The following ZNHIT6 variants were observed in gnomAD, a reference collection of about 807,000 sequenced individuals.
ZNHIT6 encodes box C/D snoRNA protein 1.
A neutral mutation model predicts 57.2 loss-of-function variants in ZNHIT6; 45 were observed. That is an observed-to-expected ratio of 0.79 (90% CI 0.62 to 1.01). The LOEUF is 1.01. ZNHIT6 is among the 50% of genes least tolerant of loss of function. ZNHIT6 has a pLI of 0.00. For missense variants in ZNHIT6, 528 were observed against 567.3 expected, an observed-to-expected ratio of 0.93 and a Z score of 0.70; for synonymous variants, 188 against 190.0, an observed-to-expected ratio of 0.99 and a Z score of 0.09.
intron 9 of ZNHIT6, 21 bp downstream of exon 9, chr1:85,657,826 C>T: frequency 6.2e-7 from 1 of 1,603,666 alleles, no homozygotes; most frequent in East Asian, 2.2e-5. Context: ...CTAAGCATTA[C>T]AGAAACAAAT....
intron 5 of ZNHIT6, among the ~76,000 whole-genome samples, chr1:85,699,831 G>A (rs560907494): frequency 2.0e-5 from 3 of 151,978 alleles, no homozygotes; most frequent in South Asian, 2.1e-4. Context: ...CATGAATATC[G>A]GAATAATTAA....
chr1:85,673,747 CT>C (rs1661628104), intron 8 of ZNHIT6, among the ~76,000 whole-genome samples: 2 of 68,062 alleles, frequency 2.9e-5, no homozygotes, highest in Non-Finnish European at 7.1e-5. Context: ...ATGTACTTTC[CT>C]TTAAGGATGT....
chr1:85,677,165 C>A, intron 8 of ZNHIT6, 71 bp downstream of exon 8: 1 of 1,106,034 alleles, frequency 9.0e-7, no homozygotes, highest in South Asian at 1.7e-5. Context: ...ATAACTTGAG[C>A]TAATCAAGCT....
At chr1:85,684,318 T>C (rs982291253) in intron 5 of ZNHIT6, among the ~76,000 whole-genome samples, 2 of 152,152 alleles carry the variant, frequency 1.3e-5, no homozygotes, top group East Asian at 1.9e-4. Flanking sequence ...CCCAAGTAAC[T>C]ATTCATGCAT....
intron 5 of ZNHIT6, among the ~76,000 whole-genome samples, chr1:85,684,476 CT>C (rs1661968801): frequency 2.0e-5 from 3 of 152,124 alleles, no homozygotes; most frequent in African/African-American, 7.2e-5. Flanking sequence ...CTACAAAGGG[CT>C]ACTGTATGCA....
chr1:85,658,311 C>G (rs1158752263), intron 8 of ZNHIT6, among the ~76,000 whole-genome samples: 1 of 152,164 alleles, frequency 6.6e-6, no homozygotes, highest in Admixed American at 6.5e-5. Flanking sequence ...TCACTGCAAC[C>G]TCCATCTCCC....
intron 5 of ZNHIT6, among the ~76,000 whole-genome samples, chr1:85,696,375 C>T (rs548937167): frequency 8.8e-4 from 133 of 151,984 alleles, no homozygotes; most frequent in African/African-American, 3.1e-3. Flanking sequence ...TTTTTTTTCA[C>T]TGAACATGTC....
chr1:85,673,051 C>T (rs549906442), intron 8 of ZNHIT6, among the ~76,000 whole-genome samples: 1 of 152,240 alleles, frequency 6.6e-6, no homozygotes, highest in Non-Finnish European at 1.5e-5. Context: ...GCAACATAGG[C>T]TTTTCTAGTC....
chr1:85,687,503 C>G (rs1662097372), intron 5 of ZNHIT6, among the ~76,000 whole-genome samples: 1 of 151,892 alleles, frequency 6.6e-6, no homozygotes, highest in South Asian at 2.1e-4. Context: ...AGTATGGATT[C>G]TATCTTGTAA....
rs1660932473 is a variant in ZNHIT6, at chr1:85,652,282, TAAC to T, written c.*1773_*1775del. ...GTATACGTTATCCCACTTCTCCTAA[TAAC>T]AACACGTTTCACTCAATTCATCTAT... On this transcript the variant is annotated 3_prime_UTR_variant, in exon 10 of 10. Transcript: ENST00000370574. 2 of 152,200 alleles carry T rather than the reference TAAC, an allele frequency of 1.3e-5. No individual in the cohort carries two copies. The highest frequency in any genetic ancestry group is 4.1e-4 in the South Asian group (2 of 4,832). The allele number at this position is 152,200 out of a possible 1,614,324, so 9.4% of individuals were successfully genotyped here. A position where few individuals can be genotyped will look rare whatever the true frequency, so the allele number is the denominator to read the frequency against.
At chr1:85,691,045 G>GTC (rs1354844958) in intron 5 of ZNHIT6, among the ~76,000 whole-genome samples, 4 of 152,018 alleles carry the variant, frequency 2.6e-5, no homozygotes, top group African/African-American at 9.7e-5. Context: ...AGTTCTGCTG[G>GTC]TCAAGCCCGG....
At chr1:85,701,795 T>C (rs1338357177) in intron 5 of ZNHIT6, among the ~76,000 whole-genome samples, 1 of 152,198 alleles carries the variant, frequency 6.6e-6, no homozygotes, top group Non-Finnish European at 1.5e-5. Flanking sequence ...TCTCAAACAA[T>C]GAGCATCATT....
intron 6 of ZNHIT6, 93 bp from the exon 7 acceptor site, chr1:85,678,874 T>G (rs960053212): frequency 4.5e-6 from 3 of 669,772 alleles, no homozygotes; most frequent in Non-Finnish European, 7.1e-6. Flanking sequence ...TGTGGCTTTT[T>G]TGGTTTAAAT....
chr1:85,691,186 T>C (rs1173709811), intron 5 of ZNHIT6, among the ~76,000 whole-genome samples: 1 of 152,200 alleles, frequency 6.6e-6, no homozygotes, highest in African/African-American at 2.4e-5. Flanking sequence ...CACAGGGAAA[T>C]AAGTAACTTG....
chr1:85,670,179 A>T (rs821381), intron 8 of ZNHIT6, among the ~76,000 whole-genome samples: 60,868 of 151,956 alleles, frequency 0.4, 13,447 homozygotes, highest in South Asian at 0.57. Flanking sequence ...GGCAAACTAC[A>T]GCCAGGAGGC....
chr1:85,654,371 T>C (rs1661001214), intron 9 of ZNHIT6, among the ~76,000 whole-genome samples: 1 of 152,220 alleles, frequency 6.6e-6, no homozygotes, highest in Non-Finnish European at 1.5e-5. Context: ...GTGGTTATGA[T>C]CCATATTCAT....
At chr1:85,697,557 A>G (rs190322976) in intron 5 of ZNHIT6, among the ~76,000 whole-genome samples, 1 of 152,186 alleles carries the variant, frequency 6.6e-6, no homozygotes, top group African/African-American at 2.4e-5. Flanking sequence ...TATACTATTT[A>G]TTTTCTATGA....
intron 5 of ZNHIT6, among the ~76,000 whole-genome samples, chr1:85,694,637 T>C (rs1399725742): frequency 3.7e-4 from 56 of 152,194 alleles, no homozygotes; most frequent in Non-Finnish European, 1.5e-5. Flanking sequence ...AATTTTTGTA[T>C]TTTTAGTAGA....
In ZNHIT6 at chr1:85,702,258, C is replaced by T. The variant is rs1662558014; in HGVS notation, c.918G>A (p.Met306Ile). 2 of 1,566,508 alleles carry T rather than the reference C, an allele frequency of 1.3e-6. No individual in the cohort carries two copies. Among genetic ancestry groups the T allele is most frequent in the South Asian group, 1.2e-5 (1 of 85,510 alleles). The change falls in exon 5 of 10, where the codon ATG (methionine) becomes ATA (isoleucine). Residue 306 changes from methionine to isoleucine, a missense_variant and splice_region_variant. Coordinates refer to ENST00000370574, the MANE Select transcript of ZNHIT6 (RefSeq NM_017953.4). Reference protein sequence around the residue: ...FLKRPISNKYMYFMKNRARRQ... With the variant: ...FLKRPISNKYIYFMKNRARRQ... ...TCCGGGCACGATTTTTCATAAAGTACATCTAACAACAAAAACCAAACAGAC... is the reference window on the plus strand; with the variant it reads ...TCCGGGCACGATTTTTCATAAAGTATATCTAACAACAAAAACCAAACAGAC...
Sources: gnomAD v4.1 joint callset for allele counts (sites outside exome capture counted in the v4.1 genomes callset) on GRCh38, gnomAD v4.1.1 for gene constraint, MANE v1.5 for transcripts, NCBI Gene and HGNC (gene_info 2026-07-23, HGNC 2026-07-21) for gene names.